Variants in TOP2A observed in about 807,000 individuals in gnomAD.
TOP2A encodes DNA topoisomerase 2-alpha.
In TOP2A, 68 loss-of-function variants were observed where a neutral mutation model predicts 187.2. The ratio of observed to expected loss-of-function variants is 0.36; its 90% CI spans 0.30 to 0.44. TOP2A has a LOEUF of 0.44. Among genes scored for constraint, TOP2A ranks in the 20% least tolerant of loss-of-function variants. The pLI, the probability that TOP2A is intolerant of heterozygous loss-of-function variation, is 1.00. For missense variants in TOP2A, 1,196 were observed against 1,808.7 expected (o/e 0.66, Z 6.14); for synonymous variants, 542 against 593.2 (o/e 0.91, Z 1.25).
In TOP2A at chr17:40,416,910, A is replaced by C. The variant is rs866213921; in HGVS notation, c.22-15T>G. 4 of 1,571,452 alleles carry C rather than the reference A, an allele frequency of 2.5e-6. No homozygotes were observed. The Middle Eastern group carries it at 7.1e-4, about 280-fold the overall frequency. On this transcript the variant is annotated splice_polypyrimidine_tract_variant and intron_variant, in intron 1 of 34. Transcript: ENST00000423485. ...TCATTTACAGGCTAGCAATTAAAAA[A>C]AAAGAGAGAAAGAAGGGAATTTTTA...
At chr17:40,391,870 G>T in intron 32 of TOP2A, 198 bp downstream of exon 32, 2 of 758,912 alleles carry the variant, frequency 2.6e-6, no homozygotes, top group Non-Finnish European at 4.1e-6. Context: ...CAAGCACTAT[G>T]ATTACTTTTA....
At position 40,398,910 on chromosome 17, in the gene TOP2A, T is replaced by C; in HGVS notation, c.3316A>G (p.Ser1106Gly). ...TTTTCAGTTTCCTTTTCGTTGTCAC[T>C]CTCTTCATTTTCTTCTTCATCTGGA... ...KVPDEEENEE[S>G]DNEKETEKSD... The change falls in exon 26 of 35, where the codon AGT becomes GGT. Residue 1106 changes from serine (S) to glycine (G), a missense_variant. This residue lies in a region of TOP2A where 232 missense variants were observed against 306.1 expected (regional missense o/e 0.76). Coordinates refer to ENST00000423485, the MANE Select transcript of TOP2A (RefSeq NM_001067.4). The C allele has an allele frequency of 6.2e-7, 1 of 1,609,918 alleles. No individual in the cohort carries two copies. The highest frequency in any genetic ancestry group is 8.5e-7 in the Non-Finnish European group (1 of 1,178,628).
rs563766428 is a variant in TOP2A, at chr17:40,402,148, C to T, written c.2432+758G>A. 2.0e-5 allele frequency among the ~76,000 whole-genome samples: 3 copies of T among 152,174 alleles called. No individual in the cohort carries two copies. The South Asian group carries it at 6.2e-4, about 32-fold the overall frequency. ...TATCAAGCAAAGGAGTCAAGGGTGA[C>T]AAGGTTTTTAGCCTGAGCAATTAGA... On this transcript the variant is annotated intron_variant, in intron 20 of 34. Transcript: ENST00000423485.
chr17:40,391,564 A>T lies in TOP2A; in HGVS notation c.4209T>A (p.Thr1403=). ...SPPATHFPDE[T]EITNPVPKKN... is the part of the protein sequence containing the mutation. ...TTTTAGGAACTGGGTTTGTAATTTC[A>T]GTTTCATCTGGGAAATGTGTAGCAG... is the stretch of plus-strand genomic sequence containing the variant. Residue 1403 remains threonine, a synonymous_variant, in exon 33 of 35, where the codon ACT becomes ACA. Transcript: ENST00000423485. The T allele has an allele frequency of 6.2e-7, 1 of 1,613,190 alleles. No homozygotes were observed.
intron 27 of TOP2A, among the ~76,000 whole-genome samples, chr17:40,396,695 C>A (rs2035103964): frequency 6.6e-6 from 1 of 152,024 alleles, no homozygotes; most frequent in South Asian, 2.1e-4. Flanking sequence ...TACCACTTAA[C>A]CTTTTTGAGG....
intron 27 of TOP2A, among the ~76,000 whole-genome samples, chr17:40,397,382 T>A (rs986780679): frequency 6.6e-6 from 1 of 151,474 alleles, no homozygotes; most frequent in Non-Finnish European, 1.5e-5. Flanking sequence ...GCCTTCTGGG[T>A]TCAAGCAATT....
rs367578908 is a variant in TOP2A, at chr17:40,410,066, C to T, written c.1203+1043G>A. 44 of 160,270 alleles carry T rather than the reference C, an allele frequency of 2.7e-4. No individual in the cohort carries two copies. The East Asian group carries it at 5.3e-3, about 19-fold the overall frequency. 9.9% of individuals were successfully genotyped at this position (160,270 alleles called of 1,614,324 possible). On this transcript the variant is annotated intron_variant, in intron 10 of 34. Coordinates refer to ENST00000423485, the MANE Select transcript of TOP2A (RefSeq NM_001067.4). The stretch of plus-strand genomic sequence containing the variant: ...TCGTGCCACTGCATTCCAGCCTGGG[C>T]GACAGAGCGAGACTCTGCCTAAAAA...
At chr17:40,393,772 A>G (rs990215039) in intron 29 of TOP2A, among the ~76,000 whole-genome samples, 1 of 152,238 alleles carries the variant, frequency 6.6e-6, no homozygotes, top group African/African-American at 2.4e-5. Context: ...TAAAATGCTT[A>G]GAAGAAAACA....
At chr17:40,392,940 C>A (rs561030759) in intron 29 of TOP2A, among the ~76,000 whole-genome samples, 1 of 152,278 alleles carries the variant, frequency 6.6e-6, no homozygotes, top group East Asian at 1.9e-4. Flanking sequence ...GGCACAGTGG[C>A]TCATGCCTGT....
Position 40,411,671 on chromosome 17 carries a change from A to T in TOP2A, c.937T>A (p.Phe313Ile). 6.2e-7 allele frequency: 1 copy of T among 1,610,570 alleles called. No homozygotes were observed. The highest frequency in any genetic ancestry group is 8.5e-7 in the Non-Finnish European group (1 of 1,178,940). The change falls in exon 8 of 35, where the codon TTT (phenylalanine) becomes ATT (isoleucine). Residue 313 changes from phenylalanine to isoleucine, a missense_variant. Phe to Ile is a conservative substitution (Grantham distance 21). Around this residue, in one of 10 missense-constraint regions of TOP2A, gnomAD observed 252 missense variants for 434.8 expected, o/e 0.58. Transcript: ENST00000423485. This position sits in a 1 kb window ranked among gnomAD's most constrained non-coding sequence, Gnocchi z 4.4. ...TTGGATGTAGCAATGCTGTTGACAA[A>T]GCTAATTTGCTGAAAGCCTTTTTCA... is the stretch of plus-strand genomic sequence containing the variant. ...MSEKGFQQIS[F>I]VNSIATSKGG...
chr17:40,409,857 A>T (rs1194881592), intron 10 of TOP2A: 1 of 164,556 alleles, frequency 6.1e-6, no homozygotes, highest in Non-Finnish European at 1.3e-5. Context: ...AGATGGGTGG[A>T]TCATTTGAGG....
At position 40,417,770 on chromosome 17, in the gene TOP2A, C is replaced by A. The variant is rs2035411426; in HGVS notation, c.21+1G>T. On this transcript the variant is annotated splice_donor_variant, in intron 1 of 34. Transcript: ENST00000423485. LOFTEE classifies it high-confidence loss of function. ...CCGCCAGTCCCCCCCGCGAGCCGTACCTGCAATGGTGACACTTCCATGGTG... is the reference window on the plus strand; with the variant it reads ...CCGCCAGTCCCCCCCGCGAGCCGTAACTGCAATGGTGACACTTCCATGGTG... 3 of 1,613,338 alleles carry A rather than the reference C, an allele frequency of 1.9e-6. No homozygotes were observed. The highest frequency in any genetic ancestry group is 2.5e-6 in the Non-Finnish European group (3 of 1,179,876).
chr17:40,392,835 G>T, intron 29 of TOP2A, 98 bp from the exon 30 acceptor site: 1 of 973,794 alleles, frequency 1.0e-6, no homozygotes, highest in Non-Finnish European at 1.5e-6. Flanking sequence ...TCCTGTGATA[G>T]TTCTGAGAAT....
At chr17:40,417,117 G>T (rs912954829) in intron 1 of TOP2A, among the ~76,000 whole-genome samples, 1 of 152,074 alleles carries the variant, frequency 6.6e-6, no homozygotes, top group African/African-American at 2.4e-5. Context: ...TCACCAAGTG[G>T]GTCTGTCTGG....
intron 4 of TOP2A, among the ~76,000 whole-genome samples, chr17:40,415,548 A>C (rs967204991): frequency 6.6e-6 from 1 of 152,244 alleles, no homozygotes; most frequent in Admixed American, 6.5e-5. Context: ...CTGTTTGAAT[A>C]GCATCATGAG....
chr17:40,413,337 T>C (rs1185008850), intron 5 of TOP2A, 45 bp from the exon 6 acceptor site: 3 of 1,489,324 alleles, frequency 2.0e-6, no homozygotes, highest in Non-Finnish European at 2.7e-6. Context: ...TACTATCTCA[T>C]TGACAGCTTT....
rs544361214 is a variant in TOP2A, at chr17:40,407,971, T to C, written c.1496A>G (p.Lys499Arg). Reference sequence around the variant, plus strand: ...GAAGATCGTCTTATATTCTACCTGCTTATGAGAAGCTTCTCGAACATTGAG... The same window carrying C: ...GAAGATCGTCTTATATTCTACCTGCCTATGAGAAGCTTCTCGAACATTGAG... ...KILNVREASH[K>R]QIMENAEINN... is the part of the protein sequence containing the mutation. Residue 499 changes from lysine to arginine, a missense_variant, in exon 12 of 35, where the codon AAG (lysine) becomes AGG (arginine). Physicochemically the swap from Lys to Arg is conservative, Grantham distance 26. This residue lies in a region of TOP2A where 252 missense variants were observed against 434.8 expected (regional missense o/e 0.58). Coordinates refer to ENST00000423485, the MANE Select transcript of TOP2A (RefSeq NM_001067.4). 1 of 1,612,066 alleles carries C rather than the reference T, an allele frequency of 6.2e-7. No individual in the cohort carries two copies. Among genetic ancestry groups the C allele is most frequent in the Non-Finnish European group, 8.5e-7 (1 of 1,178,944 alleles).
Position 40,408,518 on chromosome 17 carries a change from G to A in TOP2A, c.1316C>T (p.Pro439Leu). The A allele has an allele frequency of 6.2e-7, 1 of 1,613,300 alleles. No individual in the cohort carries two copies. The highest frequency in any genetic ancestry group is 8.5e-7 in the Non-Finnish European group (1 of 1,179,692). ...AVKHNRIKGIPKLDDANDAGG... is the reference protein window; with the variant it reads ...AVKHNRIKGILKLDDANDAGG... ...TGCATCATTGGCATCATCGAGTTTG[G>A]GAATTCCCTTGATTCTATTATGTTT... Residue 439 changes from proline to leucine, a missense_variant, in exon 11 of 35, where the codon CCC becomes CTC. Pro to Leu is a moderately conservative substitution (Grantham distance 98, BLOSUM62 -3). Transcript: ENST00000423485.
intron 19 of TOP2A, 147 bp from the exon 20 acceptor site, chr17:40,403,201 G>A: frequency 1.3e-6 from 1 of 771,998 alleles, no homozygotes; most frequent in Non-Finnish European, 1.9e-6. Context: ...AATAGTACTT[G>A]AACCTACAAC....
Sources: allele counts gnomAD v4.1 joint callset (sites outside exome capture counted in the v4.1 genomes callset), GRCh38; gene constraint gnomAD v4.1.1; regional missense constraint gnomAD v4.1.1; non-coding constraint Gnocchi (gnomAD v3.1); transcripts MANE v1.5; gene names NCBI Gene and HGNC (gene_info 2026-07-23, HGNC 2026-07-21).